The following RBFOX1 variants were observed in gnomAD, a reference collection of about 807,000 sequenced individuals.
RBFOX1 encodes the protein RNA binding fox-1 homolog 1.
In RBFOX1, 8 loss-of-function variants were observed where a neutral mutation model predicts 57.7. That is an observed-to-expected ratio of 0.14 (90% CI 0.08 to 0.25). RBFOX1 has a LOEUF of 0.25. RBFOX1 is among the 10% of genes least tolerant of loss of function. The pLI is 1.00. For missense variants in RBFOX1, 611 were observed against 548.5 expected (o/e 1.11, Z -1.14); for synonymous variants, 326 against 222.4 (o/e 1.47, Z -4.15).
In RBFOX1 at chr16:7,333,331, A is replaced by G. The variant is rs75191425; in HGVS notation, c.28-184816A>G. ...TGTATTGATCTGACTGCTATTTAACATTCATGTCTTAGCTTCAGGAGGTTG... is the reference window on the plus strand; with the variant it reads ...TGTATTGATCTGACTGCTATTTAACGTTCATGTCTTAGCTTCAGGAGGTTG... On this transcript the variant is annotated intron_variant, in intron 4 of 15. Coordinates refer to ENST00000550418, the MANE Select transcript of RBFOX1 (RefSeq NM_018723.4). 8.3e-3 allele frequency among the ~76,000 whole-genome samples: 1,263 copies of G among 152,298 alleles called. 8 individuals carry two copies. The highest frequency in any genetic ancestry group is 0.015 in the Non-Finnish European group (1,002 of 68,026).
chr16:5,802,133 C>T (rs1371775584), intron 3 of RBFOX1, among the ~76,000 whole-genome samples: 1 of 152,100 alleles, frequency 6.6e-6, no homozygotes, highest in Non-Finnish European at 1.5e-5. Flanking sequence ...TAAGACGTTC[C>T]TGGTGAGGTT....
At chr16:6,502,431 G>T (rs1162586449) in intron 2 of RBFOX1, among the ~76,000 whole-genome samples, 1 of 152,132 alleles carries the variant, frequency 6.6e-6, no homozygotes, top group Non-Finnish European at 1.5e-5. Flanking sequence ...CCTTGGGCAA[G>T]TTATTTAATC....
chr16:7,524,509 A>G (rs2078238752), intron 5 of RBFOX1, among the ~76,000 whole-genome samples: 1 of 152,170 alleles, frequency 6.6e-6, no homozygotes, highest in African/African-American at 2.4e-5. Flanking sequence ...ATCATTAGAG[A>G]TTTGCAAGTG....
At chr16:7,329,100 G>A (rs993286143) in intron 4 of RBFOX1, among the ~76,000 whole-genome samples, 2 of 152,324 alleles carry the variant, frequency 1.3e-5, no homozygotes, top group African/African-American at 4.8e-5. Context: ...TACAACAGCA[G>A]AATTTTGAGC....
At chr16:5,761,487 A>G (rs2053586604) in intron 3 of RBFOX1, among the ~76,000 whole-genome samples, 1 of 152,238 alleles carries the variant, frequency 6.6e-6, no homozygotes, top group South Asian at 2.1e-4. Flanking sequence ...TCAGTTCCAC[A>G]TGGCTTGGGA....
intron 3 of RBFOX1, among the ~76,000 whole-genome samples, chr16:6,680,718 T>G (rs927557169): frequency 6.6e-6 from 1 of 152,204 alleles, no homozygotes; most frequent in African/African-American, 2.4e-5. Flanking sequence ...ATCAGACTTC[T>G]GCGGTTCTGA....
At chr16:5,368,606 C>T (rs1334299871) in intron 1 of RBFOX1, among the ~76,000 whole-genome samples, 1 of 152,196 alleles carries the variant, frequency 6.6e-6, no homozygotes, top group Non-Finnish European at 1.5e-5. Flanking sequence ...TACACGGTTT[C>T]TTAAACTCTT....
intron 3 of RBFOX1, among the ~76,000 whole-genome samples, chr16:6,669,855 C>G (rs1262603239): frequency 6.6e-6 from 1 of 152,188 alleles, no homozygotes; most frequent in Non-Finnish European, 1.5e-5. Flanking sequence ...GCAGGCAGAT[C>G]TGATGGAGCC....
At chr16:6,273,558 C>A (rs971136908) in intron 1 of RBFOX1, among the ~76,000 whole-genome samples, 1 of 151,830 alleles carries the variant, frequency 6.6e-6, no homozygotes, top group African/African-American at 2.4e-5. Context: ...GTTGGTCAGG[C>A]TGGTCTGGAA....
intron 1 of RBFOX1, among the ~76,000 whole-genome samples, chr16:5,353,976 G>C (rs967350171): frequency 1.5e-4 from 23 of 152,118 alleles, no homozygotes; most frequent in African/African-American, 5.6e-4. Context: ...GAACGGAGGG[G>C]CCACTAGCTC....
intron 2 of RBFOX1, among the ~76,000 whole-genome samples, chr16:5,501,496 A>G (rs2043196836): frequency 6.6e-6 from 1 of 152,064 alleles, no homozygotes; most frequent in African/African-American, 2.4e-5. Context: ...CTGGGGGAAG[A>G]GGGTTTGTCT....
intron 1 of RBFOX1, among the ~76,000 whole-genome samples, chr16:6,199,987 C>T (rs949445898): frequency 5.9e-5 from 9 of 152,132 alleles, no homozygotes; most frequent in Admixed American, 5.2e-4. Context: ...GGTTTTTGAC[C>T]TTGGACAATG....
chr16:7,047,447 C>A (rs1315179099), intron 3 of RBFOX1, among the ~76,000 whole-genome samples: 1 of 152,104 alleles, frequency 6.6e-6, no homozygotes, highest in African/African-American at 2.4e-5. Flanking sequence ...TGGGCCCTTA[C>A]AAGCATTGCA....
chr16:6,199,114 A>G (rs947132687), intron 1 of RBFOX1, among the ~76,000 whole-genome samples: 7 of 152,156 alleles, frequency 4.6e-5, no homozygotes, highest in Non-Finnish European at 7.3e-5. Flanking sequence ...TTCTTATTGA[A>G]AAAAATATTT....
intron 4 of RBFOX1, among the ~76,000 whole-genome samples, chr16:7,339,178 T>C (rs560567158): frequency 1.3e-5 from 2 of 152,288 alleles, no homozygotes; most frequent in East Asian, 3.9e-4. Flanking sequence ...TTTTCTAGGC[T>C]GCAAAACAAA....
intron 2 of RBFOX1, among the ~76,000 whole-genome samples, chr16:6,632,346 A>G (rs2098395483): frequency 6.6e-6 from 1 of 152,132 alleles, no homozygotes; most frequent in Non-Finnish European, 1.5e-5. Flanking sequence ...AGAAAAAAAA[A>G]AAAGGTCTGA....
chr16:6,539,587 C>A (rs1018531979), intron 2 of RBFOX1, among the ~76,000 whole-genome samples: 2 of 151,836 alleles, frequency 1.3e-5, no homozygotes, highest in Non-Finnish European at 2.9e-5. Flanking sequence ...CACCTAAGGT[C>A]GGGAGTTCAA....
chr16:7,305,842 C>T (rs56003843), intron 4 of RBFOX1, among the ~76,000 whole-genome samples: 2 of 152,032 alleles, frequency 1.3e-5, no homozygotes, highest in African/African-American at 4.8e-5. Context: ...GTAAATCGTG[C>T]CAGAAGACAT....
chr16:6,908,952 C>T (rs186240544), intron 3 of RBFOX1, among the ~76,000 whole-genome samples: 2 of 152,122 alleles, frequency 1.3e-5, no homozygotes, highest in East Asian at 1.9e-4. Flanking sequence ...TGTGCTTCCC[C>T]CCAACACGCT....
Sources: allele counts gnomAD v4.1 joint callset (sites outside exome capture counted in the v4.1 genomes callset), GRCh38; gene constraint gnomAD v4.1.1; transcripts MANE v1.5; gene names NCBI Gene and HGNC (gene_info 2026-07-23, HGNC 2026-07-21).